Variants in NRG3 observed in about 807,000 individuals in gnomAD.
The protein encoded by NRG3 is neuregulin 3, also known as pro-neuregulin-3, membrane-bound isoform.
A neutral mutation model predicts 66.9 loss-of-function variants in NRG3; 31 were observed. The observed-to-expected ratio is 0.46, with a 90% CI of 0.35 to 0.63. The LOEUF is 0.63. Ranked by LOEUF, NRG3 falls within the 20% of genes least tolerant of loss-of-function variation. The pLI is 0.00. For synonymous variants in NRG3, 393 were observed against 359.4 expected (o/e 1.09, Z -1.06); for missense variants, 910 against 878.9 (o/e 1.04, Z -0.45).
intron 1 of NRG3, among the ~76,000 whole-genome samples, chr10:81,930,324 C>A (rs1313955675): frequency 6.6e-6 from 1 of 152,058 alleles, no homozygotes; most frequent in African/African-American, 2.4e-5. Flanking sequence ...CCATGACGTT[C>A]CTGAAGCTCA....
At chr10:82,185,202 G>A (rs2073722712) in intron 1 of NRG3, among the ~76,000 whole-genome samples, 1 of 151,916 alleles carries the variant, frequency 6.6e-6, no homozygotes, top group Non-Finnish European at 1.5e-5. Context: ...AGTAATGAAA[G>A]GAAACAAAAG....
chr10:81,919,998 T>G (rs771311503), intron 1 of NRG3, among the ~76,000 whole-genome samples: 28 of 152,274 alleles, frequency 1.8e-4, no homozygotes, highest in Non-Finnish European at 1.6e-4. Flanking sequence ...AAAAATTAAA[T>G]AACAATAAAA....
At chr10:82,554,358 A>C (rs1384355364) in intron 2 of NRG3, among the ~76,000 whole-genome samples, 1 of 152,354 alleles carries the variant, frequency 6.6e-6, no homozygotes, top group African/African-American at 2.4e-5. Context: ...ATTACACAGC[A>C]TATACCTGTA....
Position 82,084,223 on chromosome 10 carries a change from G to A in NRG3, c.823+208060G>A, listed in dbSNP as rs1192104393. Among the ~76,000 whole-genome samples, 8 of 120,210 alleles carry A rather than the reference G, an allele frequency of 6.7e-5. No homozygotes were observed. In the Admixed American group the frequency reaches 7.0e-4, roughly 11 times the overall value. The allele number at this position is 120,210 out of a possible 152,430, so 78.9% of individuals were successfully genotyped here. A position where few individuals can be genotyped will look rare whatever the true frequency, so the allele number is the denominator to read the frequency against. On this transcript the variant is annotated intron_variant, in intron 1 of 8. Coordinates refer to ENST00000372141, the MANE Select transcript of NRG3 (RefSeq NM_001010848.4). Reference sequence around the variant, plus strand: ...ATCCAGGGTGACAGAGCCAGACTCAGTCTCAAAAACAAAAAAGACACATTT... The same window carrying A: ...ATCCAGGGTGACAGAGCCAGACTCAATCTCAAAAACAAAAAAGACACATTT...
chr10:82,883,175 A>G (rs1362441475), intron 4 of NRG3, among the ~76,000 whole-genome samples: 3 of 152,178 alleles, frequency 2.0e-5, no homozygotes, highest in Non-Finnish European at 4.4e-5. Flanking sequence ...TTTTTCTTGG[A>G]AAATTATATT....
chr10:82,281,488 C>G (rs1382067432), intron 1 of NRG3, among the ~76,000 whole-genome samples: 1 of 151,930 alleles, frequency 6.6e-6, no homozygotes, highest in Non-Finnish European at 1.5e-5. Flanking sequence ...CACAGTTAAG[C>G]TGCTGTGGTT....
intron 3 of NRG3, among the ~76,000 whole-genome samples, chr10:82,858,375 G>A (rs2063924014): frequency 6.6e-6 from 1 of 151,882 alleles, no homozygotes; most frequent in East Asian, 1.9e-4. Flanking sequence ...GGGACATGCA[G>A]GGCAAAGTCT....
chr10:82,490,317 T>A (rs1403368171), intron 2 of NRG3, among the ~76,000 whole-genome samples: 1 of 152,150 alleles, frequency 6.6e-6, no homozygotes, highest in Admixed American at 6.6e-5. Context: ...CATACAGAAG[T>A]CATCCGGATC....
At chr10:82,945,417 G>A (rs369550760) in intron 4 of NRG3, among the ~76,000 whole-genome samples, 49 of 152,268 alleles carry the variant, frequency 3.2e-4, no homozygotes, top group Admixed American at 1.2e-3. Flanking sequence ...AAAGTCCCCT[G>A]TTTTAGCCTA....
chr10:82,156,344 A>G (rs191904342), intron 1 of NRG3, among the ~76,000 whole-genome samples: 3 of 151,616 alleles, frequency 2.0e-5, no homozygotes, highest in Admixed American at 6.6e-5. Flanking sequence ...CTCCTTAACA[A>G]CTGGAAGGTA....
At chr10:82,979,639 G>A (rs564565713) in intron 8 of NRG3, among the ~76,000 whole-genome samples, 2 of 152,264 alleles carry the variant, frequency 1.3e-5, no homozygotes, top group African/African-American at 2.4e-5. Flanking sequence ...AGGGGTAGAC[G>A]GGTGGGCTTT....
chr10:82,383,985 T>A (rs562411309), intron 2 of NRG3, among the ~76,000 whole-genome samples: 92 of 152,154 alleles, frequency 6.0e-4, no homozygotes, highest in Non-Finnish European at 1.0e-3. Flanking sequence ...TTAAATATTT[T>A]AAAAACAATT....
chr10:82,842,237 C>T (rs547119946), intron 3 of NRG3, among the ~76,000 whole-genome samples: 131 of 152,146 alleles, frequency 8.6e-4, no homozygotes, highest in Middle Eastern at 3.4e-3. Flanking sequence ...GGCAACAAAG[C>T]GAGACTGAGT....
At chr10:82,860,981 G>T (rs2064094901) in intron 3 of NRG3, among the ~76,000 whole-genome samples, 1 of 152,176 alleles carries the variant, frequency 6.6e-6, no homozygotes, top group Non-Finnish European at 1.5e-5. Flanking sequence ...TGCGATTTAT[G>T]ATCTGTGTAT....
At chr10:82,525,044 G>T (rs939826381) in intron 2 of NRG3, among the ~76,000 whole-genome samples, 2 of 151,770 alleles carry the variant, frequency 1.3e-5, no homozygotes, top group African/African-American at 2.4e-5. Flanking sequence ...TTCTTATCAT[G>T]ACAAACATAG....
At chr10:82,763,902 G>A (rs960940626) in intron 3 of NRG3, among the ~76,000 whole-genome samples, 2 of 152,090 alleles carry the variant, frequency 1.3e-5, no homozygotes, top group African/African-American at 4.8e-5. Context: ...ATTAGATGTT[G>A]ACATGATAAT....
chr10:82,190,970 A>AATCTCCTTCCTACAACTCCCCACCTCAGG (rs1257342656), intron 1 of NRG3, among the ~76,000 whole-genome samples: 1 of 152,066 alleles, frequency 6.6e-6, no homozygotes, highest in Non-Finnish European at 1.5e-5. Flanking sequence ...TAAGACTGAG[A>AATCTCCTTCCTACAACTCCCCACCTCAGG]ATCTCCTTCC....
At chr10:82,845,568 A>T (rs1051099265) in intron 3 of NRG3, among the ~76,000 whole-genome samples, 4 of 152,014 alleles carry the variant, frequency 2.6e-5, no homozygotes, top group African/African-American at 9.7e-5. Context: ...AAAAATCTTT[A>T]TAGGAGAAAG....
chr10:82,026,007 G>T (rs967523927), intron 1 of NRG3, among the ~76,000 whole-genome samples: 1 of 152,014 alleles, frequency 6.6e-6, no homozygotes, highest in African/African-American at 2.4e-5. Flanking sequence ...AATCACTGTA[G>T]TCCTCATCTT....
Sources: gnomAD v4.1 joint callset for allele counts (sites outside exome capture counted in the v4.1 genomes callset) on GRCh38, gnomAD v4.1.1 for gene constraint, MANE v1.5 for transcripts, NCBI Gene and HGNC (gene_info 2026-07-23, HGNC 2026-07-21) for gene names.